LANCL3: variants seen among roughly 807,000 people sequenced by gnomAD.
LANCL3 encodes LanC like family member 3.
A neutral mutation model predicts 26.5 loss-of-function variants in LANCL3; 19 were observed. That is an observed-to-expected ratio of 0.72 (90% confidence interval 0.50 to 1.05). The LOEUF is 1.05. Among genes scored for constraint, LANCL3 ranks in the 50% least tolerant of loss-of-function variants. The probability of loss-of-function intolerance (pLI) is 0.00; values close to 1 mark genes in which losing one functional copy is unlikely to be tolerated. For synonymous variants in LANCL3, 160 were observed against 166.6 expected (o/e 0.96, Z 0.30); for missense variants, 318 against 362.7 (o/e 0.88, Z 1.00).
At chrX:37,663,053 C>T (rs1195486413) in intron 3 of LANCL3, among the ~76,000 whole-genome samples, 2 of 111,705 alleles carry the variant, frequency 1.8e-5, no homozygotes, top group Non-Finnish European at 3.8e-5. Flanking sequence ...CACCCTTCTT[C>T]CTTCTACATC....
At chrX:37,600,576 T>G (rs1232694760) in intron 1 of LANCL3, among the ~76,000 whole-genome samples, 1 of 112,339 alleles carries the variant, frequency 8.9e-6, no homozygotes, top group Non-Finnish European at 1.9e-5. Flanking sequence ...AGGCAACATC[T>G]GTAGCCCTCT....
rs1556437009 is a variant in LANCL3, at chrX:37,675,754, CT to C, written c.1205del (p.Leu402ArgfsTer42). 1.7e-6 allele frequency: 2 copies of C among 1,163,061 alleles called. No individual in the cohort carries two copies. Among genetic ancestry groups the C allele is most frequent in the Admixed American group, 5.2e-5 (2 of 38,331 alleles). On this transcript the variant is annotated frameshift_variant, in exon 5 of 5. Transcript: ENST00000378619. LOFTEE classifies it high-confidence loss of function. Reference sequence around the variant, plus strand: ...AGGCTTCTCTGGGACAGTGTGCTTTCTGATTGACCTGCTGCAGCCCAATCAG... The same window carrying C: ...AGGCTTCTCTGGGACAGTGTGCTTTCGATTGACCTGCTGCAGCCCAATCAG... ...YEGFSGTVCF[L>X]IDLLQPNQAE... is the part of the protein sequence containing the mutation.
chrX:37,574,054 C>CAAA (rs34987799), intron 1 of LANCL3, among the ~76,000 whole-genome samples: 11 of 33,385 alleles, frequency 3.3e-4, no homozygotes, highest in African/African-American at 6.5e-4. Context: ...TCAAGGATAG[C>CAAA]AAAAAAAAAA....
chrX:37,629,426 T>C (rs1464663780), intron 1 of LANCL3, among the ~76,000 whole-genome samples: 1 of 110,283 alleles, frequency 9.1e-6, no homozygotes, highest in Non-Finnish European at 1.9e-5. Flanking sequence ...GTAGTTTCTT[T>C]TGCTGTGCAG....
chrX:37,581,267 T>G (rs1319752905), intron 1 of LANCL3, among the ~76,000 whole-genome samples: 1 of 112,333 alleles, frequency 8.9e-6, no homozygotes, highest in African/African-American at 3.2e-5. Flanking sequence ...GAATACCAGC[T>G]CTCTGGTTTG....
At chrX:37,590,170 C>G (rs1181262786) in intron 1 of LANCL3, among the ~76,000 whole-genome samples, 1 of 112,348 alleles carries the variant, frequency 8.9e-6, no homozygotes, top group Non-Finnish European at 1.9e-5. Flanking sequence ...CCCACTCCAA[C>G]CCCCTATTCT....
In LANCL3 at chrX:37,680,488, CAA is replaced by C. The variant is rs1212927240; in HGVS notation, c.*4677_*4678del. ...TTTATCTAGACTCTTCCACAAATGGCAAAGTCACTTATCTGCAGAATTCCCAG... is the reference window on the plus strand; with the variant it reads ...TTTATCTAGACTCTTCCACAAATGGCAGTCACTTATCTGCAGAATTCCCAG... On this transcript the variant is annotated 3_prime_UTR_variant, in exon 5 of 5. Transcript: ENST00000378619. The C allele has an allele frequency of 1.1e-3, 118 of 111,769 alleles. 1 individual carries two copies. Among genetic ancestry groups the C allele is most frequent in the African/African-American group, 3.5e-3 (108 of 30,760 alleles). 9.2% of individuals were successfully genotyped at this position (111,769 alleles called of 1,213,427 possible). A position where few individuals can be genotyped will look rare whatever the true frequency, so the allele number is the denominator to read the frequency against.
intron 2 of LANCL3, among the ~76,000 whole-genome samples, chrX:37,657,542 A>ATT (rs34071239): frequency 3.2e-5 from 3 of 92,506 alleles, no homozygotes; most frequent in Admixed American, 1.2e-4. Flanking sequence ...TTTATCTTTA[A>ATT]TTTTTTTTTT....
intron 4 of LANCL3, among the ~76,000 whole-genome samples, chrX:37,675,370 C>T (rs1422511076): frequency 8.9e-5 from 10 of 112,146 alleles, no homozygotes; most frequent in African/African-American, 3.2e-4. Context: ...ACTTTAATTA[C>T]TGGATGACAG....
chrX:37,649,875 C>T (rs1556428235), intron 1 of LANCL3, among the ~76,000 whole-genome samples: 1 of 111,216 alleles, frequency 9.0e-6, no homozygotes, highest in African/African-American at 3.3e-5. Flanking sequence ...CTTTAGCCCT[C>T]GTCTTCATCA....
intron 1 of LANCL3, among the ~76,000 whole-genome samples, chrX:37,654,298 G>T (rs1233821291): frequency 8.9e-6 from 1 of 112,655 alleles, no homozygotes; most frequent in African/African-American, 3.2e-5. Context: ...AGCAATTTAT[G>T]AATAAATCAT....
intron 1 of LANCL3, among the ~76,000 whole-genome samples, chrX:37,587,567 G>A (rs2146714993): frequency 8.8e-6 from 1 of 113,049 alleles, no homozygotes; most frequent in East Asian, 2.8e-4. Flanking sequence ...CAAGGATCGA[G>A]GCTCCGTGGG....
intron 1 of LANCL3, among the ~76,000 whole-genome samples, chrX:37,616,331 C>A (rs1307052365): frequency 8.9e-6 from 1 of 111,824 alleles, no homozygotes; most frequent in African/African-American, 3.3e-5. Flanking sequence ...CTGGAGGGAA[C>A]AAAATATATA....
At chrX:37,635,502 C>T (rs186827303) in intron 1 of LANCL3, among the ~76,000 whole-genome samples, 303 of 111,636 alleles carry the variant, frequency 2.7e-3, no homozygotes, top group African/African-American at 9.3e-3. Flanking sequence ...AATATTTAAA[C>T]ATTAAAAACC....
At chrX:37,645,748 A>G (rs1602125380) in intron 1 of LANCL3, among the ~76,000 whole-genome samples, 1 of 112,063 alleles carries the variant, frequency 8.9e-6, no homozygotes, top group East Asian at 2.8e-4. Context: ...ATCCTTTGCT[A>G]CTTCAAGTGT....
rs1207494921 is a variant in LANCL3 at position 37,682,264 on chromosome X, G to A, written c.*6451G>A. On this transcript the variant is annotated 3_prime_UTR_variant, in exon 5 of 5. Coordinates refer to ENST00000378619, the MANE Select transcript of LANCL3 (RefSeq NM_001170331.2). ...ACTACAGGCGCCCGCCACTACGCCCGGCTAATTTTTTGTATTTTTAGTAGA... is the reference window on the plus strand; with the variant it reads ...ACTACAGGCGCCCGCCACTACGCCCAGCTAATTTTTTGTATTTTTAGTAGA... The A allele has an allele frequency of 1.9e-5, 2 of 107,989 alleles. No individual in the cohort carries two copies. The highest frequency in any genetic ancestry group is 6.7e-5 in the African/African-American group (2 of 29,679). 8.9% of individuals were successfully genotyped at this position (107,989 alleles called of 1,213,427 possible). A position where few individuals can be genotyped will look rare whatever the true frequency, so the allele number is the denominator to read the frequency against.
At chrX:37,633,287 G>T (rs976247017) in intron 1 of LANCL3, among the ~76,000 whole-genome samples, 1 of 110,739 alleles carries the variant, frequency 9.0e-6, no homozygotes, top group East Asian at 2.8e-4. Context: ...CTTAGTTCTC[G>T]AGCCTTGGCT....
intron 1 of LANCL3, among the ~76,000 whole-genome samples, chrX:37,587,154 G>C (rs1216198285): frequency 7.1e-5 from 8 of 112,546 alleles, no homozygotes; most frequent in Non-Finnish European, 1.3e-4. Context: ...TGTTCCTCTG[G>C]AGGTTTCATC....
intron 3 of LANCL3, among the ~76,000 whole-genome samples, chrX:37,664,821 G>A (rs782265107): frequency 8.9e-6 from 1 of 111,755 alleles, no homozygotes; most frequent in South Asian, 3.8e-4. Context: ...TGTGGTGCTT[G>A]GTTTTCTGTT....
Sources: gnomAD v4.1 joint callset for allele counts (sites outside exome capture counted in the v4.1 genomes callset) on GRCh38, gnomAD v4.1.1 for gene constraint, MANE v1.5 for transcripts, NCBI Gene and HGNC (gene_info 2026-07-23, HGNC 2026-07-21) for gene names.